The following ZNF354C variants were observed in gnomAD, a reference collection of about 807,000 sequenced individuals.
The protein encoded by ZNF354C is KRAB-zinc finger protein synten.
A neutral mutation model predicts 12.4 loss-of-function variants in ZNF354C; 7 were observed. That is an observed-to-expected ratio of 0.56 (90% confidence interval 0.32 to 1.06). ZNF354C has a LOEUF of 1.06. Ranked by LOEUF, ZNF354C falls within the 50% of genes least tolerant of loss-of-function variation. ZNF354C has a pLI of 0.04. For missense variants in ZNF354C, 609 were observed against 658.0 expected (o/e 0.93, Z 0.81); for synonymous variants, 202 against 224.5 (o/e 0.90, Z 0.90).
intron 2 of ZNF354C, among the ~76,000 whole-genome samples, chr5:179,068,295 C>T (rs768959137): frequency 6.6e-5 from 10 of 152,156 alleles, no homozygotes; most frequent in Non-Finnish European, 1.0e-4. Context: ...AGAATGGGGC[C>T]GCTAATTGGA....
chr5:179,069,576 A>G (rs113951343), intron 2 of ZNF354C, among the ~76,000 whole-genome samples: 12 of 150,024 alleles, frequency 8.0e-5, no homozygotes, highest in African/African-American at 1.2e-4. Context: ...AAAAAAAAAA[A>G]AAAGAAAGGC....
Position 179,079,414 on chromosome 5 carries a change from T to TATAAATGC in ZNF354C, c.983_990dup (p.Gly331IlefsTer44). 1.2e-6 allele frequency: 2 copies of TATAAATGC among 1,614,052 alleles called. No individual in the cohort carries two copies. The highest frequency in any genetic ancestry group is 2.2e-5 in the South Asian group (2 of 91,084). On this transcript the variant is annotated frameshift_variant, in exon 5 of 5. Coordinates refer to ENST00000315475, the MANE Select transcript of ZNF354C (RefSeq NM_014594.3). LOFTEE classifies it low-confidence loss of function (END_TRUNC). This position sits in a 1 kb window ranked among gnomAD's most constrained non-coding sequence, Gnocchi z 4.2. ...GAGAATTCATACTGGAGAGAAACTC[T>TATAAATGC]ATAAATGCGGCGAATGTGAGAAGGC...
At chr5:179,070,113 C>T (rs1762028585) in intron 2 of ZNF354C, among the ~76,000 whole-genome samples, 1 of 152,318 alleles carries the variant, frequency 6.6e-6, no homozygotes, top group South Asian at 2.1e-4. Context: ...ACCACCTGAG[C>T]TCTGCCGCCT....
Position 179,082,646 on chromosome 5 carries a change from G to C in ZNF354C, c.*2549G>C. 6.5e-7 allele frequency: 1 copy of C among 1,536,540 alleles called. No individual in the cohort carries two copies. The highest frequency in any genetic ancestry group is 9.0e-7 in the Non-Finnish European group (1 of 1,113,112). On this transcript the variant is annotated 3_prime_UTR_variant, in exon 5 of 5. Coordinates refer to ENST00000315475, the MANE Select transcript of ZNF354C (RefSeq NM_014594.3). ...GATTCCTCCCAACTTGATCATAGTGGATTAATGACGTGCTTTGTGGATGTG... is the reference window on the plus strand; with the variant it reads ...GATTCCTCCCAACTTGATCATAGTGCATTAATGACGTGCTTTGTGGATGTG...
At chr5:179,063,574 A>C (rs1488922457) in intron 2 of ZNF354C, among the ~76,000 whole-genome samples, 1 of 152,230 alleles carries the variant, frequency 6.6e-6, no homozygotes, top group Non-Finnish European at 1.5e-5. Context: ...AGAACCCCAA[A>C]AAGTAGTAAT....
intron 3 of ZNF354C, 63 bp downstream of exon 3, chr5:179,076,634 G>A (rs1762127671): frequency 8.8e-6 from 14 of 1,589,874 alleles, no homozygotes; most frequent in Non-Finnish European, 1.2e-5. Flanking sequence ...CCATCTTTGG[G>A]GTTCCGAGCC....
chr5:179,083,262 G>A lies in ZNF354C; in HGVS notation c.*3165G>A, dbSNP rs561296585. On this transcript the variant is annotated 3_prime_UTR_variant, in exon 5 of 5. Coordinates refer to ENST00000315475, the MANE Select transcript of ZNF354C (RefSeq NM_014594.3). ...ATTTGGGGAAATAGGAAGATGGAAT[G>A]GGTAGTAGATAATGTGGTATATTTG... is the stretch of plus-strand genomic sequence containing the variant. The A allele has an allele frequency of 7.5e-5, 17 of 228,078 alleles. No individual in the cohort carries two copies. Among genetic ancestry groups the A allele is most frequent in the African/African-American group, 3.2e-4 (13 of 40,570 alleles). The allele number at this position is 228,078 out of a possible 1,614,324, so 14.1% of individuals were successfully genotyped here.
In ZNF354C at chr5:179,080,476, A is replaced by AGT. The variant is rs1201542877; in HGVS notation, c.*385_*386dup. On this transcript the variant is annotated 3_prime_UTR_variant, in exon 5 of 5. Transcript: ENST00000315475. The stretch of plus-strand genomic sequence containing the variant: ...AGTCACTGAGTTAATAATGTAAATA[A>AGT]GTGTGTGGCCTTCTTTAAAATAGCT... The AGT allele has an allele frequency of 6.5e-6, 1 of 153,720 alleles. No homozygotes were observed. Among genetic ancestry groups the AGT allele is most frequent in the Non-Finnish European group, 1.4e-5 (1 of 69,206 alleles). 9.5% of individuals were successfully genotyped at this position (153,720 alleles called of 1,614,324 possible). A position where few individuals can be genotyped will look rare whatever the true frequency, so the allele number is the denominator to read the frequency against.
At position 179,077,104 on chromosome 5, in the gene ZNF354C, A is replaced by G. The variant is rs1367120837; in HGVS notation, c.188A>G (p.Gln63Arg). The G allele has an allele frequency of 6.2e-7, 1 of 1,614,198 alleles. No individual in the cohort carries two copies. Among genetic ancestry groups the G allele is most frequent in the South Asian group, 1.1e-5 (1 of 91,078 alleles). The change falls in exon 4 of 5, where the codon CAG becomes CGG. Residue 63 changes from glutamine to arginine, a missense_variant. By Grantham distance (43) the Gln-to-Arg change is conservative (BLOSUM62 1). Coordinates refer to ENST00000315475, the MANE Select transcript of ZNF354C (RefSeq NM_014594.3). ...TTTTCAATGCCAAAGTTGATTCATC[A>G]GTTGCAGCAAGGAGAAGATCCCTGC... ...IPFSMPKLIH[Q>R]LQQGEDPCMV...
intron 4 of ZNF354C, among the ~76,000 whole-genome samples, chr5:179,078,065 T>G (rs559186715): frequency 6.6e-6 from 1 of 152,240 alleles, no homozygotes; most frequent in Admixed American, 6.5e-5. Context: ...CCTCCCAAAG[T>G]GCTGGGATTA....
chr5:179,077,150 T>C lies in ZNF354C; in HGVS notation c.234T>C (p.Pro78=), dbSNP rs757836756. 3.1e-6 allele frequency: 5 copies of C among 1,614,096 alleles called. No individual in the cohort carries two copies. Among genetic ancestry groups the C allele is most frequent in the Non-Finnish European group, 3.4e-6 (4 of 1,179,958 alleles). The part of the protein sequence containing the change: ...EDPCMVEREV[P]SDTRLGFKTW... ...CCTGCATGGTGGAAAGAGAAGTCCC[T>C]TCAGATACCCGTCTAGGTAAGTGAG... The change falls in exon 4 of 5, where the codon CCT becomes CCC. Residue 78 remains proline (P), a synonymous_variant. Transcript: ENST00000315475.
At chr5:179,067,313 G>A (rs1361288281) in intron 2 of ZNF354C, among the ~76,000 whole-genome samples, 1 of 152,196 alleles carries the variant, frequency 6.6e-6, no homozygotes. Context: ...TGTGACTTGG[G>A]CTTACAACAT....
Position 179,076,435 on chromosome 5 carries a change from G to T in ZNF354C, c.28-10G>T. 6.2e-7 allele frequency: 1 copy of T among 1,614,170 alleles called. No homozygotes were observed. The highest frequency in any genetic ancestry group is 8.5e-7 in the Non-Finnish European group (1 of 1,180,014). ...GTCCTGGGTGAGCAGGTATGGGTTT[G>T]CCATTACAGGAGCCTGTGACATTCA... On this transcript the variant is annotated splice_polypyrimidine_tract_variant and intron_variant, in intron 2 of 4. Transcript: ENST00000315475.
chr5:179,073,105 A>G (rs1258147614), intron 2 of ZNF354C, among the ~76,000 whole-genome samples: 1 of 152,336 alleles, frequency 6.6e-6, no homozygotes, highest in South Asian at 2.1e-4. Context: ...CAGAAACAAC[A>G]AAGACCAGGA....
chr5:179,079,775 C>G lies in ZNF354C; in HGVS notation c.1343C>G (p.Ala448Gly), dbSNP rs776290968. 1.2e-5 allele frequency: 19 copies of G among 1,614,090 alleles called. No individual in the cohort carries two copies. The highest frequency in any genetic ancestry group is 1.5e-5 in the Non-Finnish European group (18 of 1,180,002). ...TATACATGTGAGGAATGTGGGAAAG[C>G]CTTTGGTTGCAAATCTAACCTTTAT... ...KLYTCEECGK[A>G]FGCKSNLYRH... Residue 448 changes from alanine to glycine, a missense_variant, in exon 5 of 5, where the codon GCC (alanine) becomes GGC (glycine). By Grantham distance (60) the Ala-to-Gly change is moderately conservative. Coordinates refer to ENST00000315475, the MANE Select transcript of ZNF354C (RefSeq NM_014594.3). The surrounding 1 kb of genome is among the most constrained non-coding windows in gnomAD (Gnocchi z 4.2).
chr5:179,067,410 A>G (rs1297769190), intron 2 of ZNF354C, among the ~76,000 whole-genome samples: 1 of 152,146 alleles, frequency 6.6e-6, no homozygotes, highest in African/African-American at 2.4e-5. Flanking sequence ...TACATGCATC[A>G]TTTCCATTGA....
Position 179,077,140 on chromosome 5 carries a change from G to A in ZNF354C, c.224G>A (p.Arg75Lys). ...GGAGAAGATCCCTGCATGGTGGAAA[G>A]AGAAGTCCCTTCAGATACCCGTCTA... ...QQGEDPCMVE[R>K]EVPSDTRLGF... The change falls in exon 4 of 5, where the codon AGA becomes AAA. Residue 75 changes from arginine to lysine, a missense_variant. By Grantham distance (26) the Arg-to-Lys change is conservative (BLOSUM62 2). Coordinates refer to ENST00000315475, the MANE Select transcript of ZNF354C (RefSeq NM_014594.3). 6.2e-7 allele frequency: 1 copy of A among 1,614,218 alleles called. No homozygotes were observed. Among genetic ancestry groups the A allele is most frequent in the Non-Finnish European group, 8.5e-7 (1 of 1,180,042 alleles).
intron 2 of ZNF354C, among the ~76,000 whole-genome samples, chr5:179,065,485 T>G (rs1561747670): frequency 6.6e-6 from 1 of 152,126 alleles, no homozygotes; most frequent in South Asian, 2.1e-4. Flanking sequence ...GATGCGATCT[T>G]GGCTCACTGC....
intron 2 of ZNF354C, among the ~76,000 whole-genome samples, chr5:179,062,771 A>C (rs1165788320): frequency 6.6e-6 from 1 of 152,096 alleles, no homozygotes; most frequent in Non-Finnish European, 1.5e-5. Context: ...AAGCTGTCCA[A>C]ATGTCCATCT....
Sources: gnomAD v4.1 joint callset for allele counts (sites outside exome capture counted in the v4.1 genomes callset) on GRCh38, gnomAD v4.1.1 for gene constraint, Gnocchi (gnomAD v3.1) non-coding constraint, MANE v1.5 for transcripts, NCBI Gene and HGNC (gene_info 2026-07-23, HGNC 2026-07-21) for gene names.